The following SEMA4D variants were observed in gnomAD, a reference collection of about 807,000 sequenced individuals.
SEMA4D encodes semaphorin-4D.
A neutral mutation model predicts 74.8 loss-of-function variants in SEMA4D; 22 were observed. The observed-to-expected ratio is 0.29, with a 90% CI of 0.21 to 0.42. The LOEUF (loss-of-function observed/expected upper bound fraction) is 0.42. Among genes scored for constraint, SEMA4D ranks in the 10% least tolerant of loss-of-function variants. SEMA4D has a pLI of 1.00. For missense variants in SEMA4D, 937 were observed against 1,118.4 expected, an observed-to-expected ratio of 0.84 and a Z score of 2.31; for synonymous variants, 445 against 463.7, an observed-to-expected ratio of 0.96 and a Z score of 0.52.
At chr9:89,419,762 C>G (rs1846502110) in intron 2 of SEMA4D, among the ~76,000 whole-genome samples, 1 of 150,806 alleles carries the variant, frequency 6.6e-6, no homozygotes. Context: ...AAAAAAAATA[C>G]AAAAATTAGC....
chr9:89,462,657 T>A (rs947916621), intron 1 of SEMA4D, among the ~76,000 whole-genome samples: 52 of 151,992 alleles, frequency 3.4e-4, no homozygotes, highest in African/African-American at 1.2e-3. Flanking sequence ...TATTTAAAGC[T>A]GTCCCAGCCA....
chr9:89,433,888 G>A (rs1181926508), intron 2 of SEMA4D, among the ~76,000 whole-genome samples: 1 of 152,194 alleles, frequency 6.6e-6, no homozygotes, highest in Non-Finnish European at 1.5e-5. Context: ...GTCACACTGG[G>A]CAGCTCCAGC....
chr9:89,371,423 CTG>C (rs1201258493), intron 16 of SEMA4D, among the ~76,000 whole-genome samples: 9 of 27,882 alleles, frequency 3.2e-4, no homozygotes, highest in South Asian at 1.5e-3. Flanking sequence ...TGGTGTGTGT[CTG>C]GGGTGTGTGT....
rs1187521252 is a variant in SEMA4D at position 89,492,452 on chromosome 9, C to T, written c.-310+5467G>A. 6.6e-6 allele frequency among the ~76,000 whole-genome samples: 1 copy of T among 152,104 alleles called. No homozygotes were observed. Among genetic ancestry groups the T allele is most frequent in the Non-Finnish European group, 1.5e-5 (1 of 68,004 alleles). ...TCATCTCTATAGCTACAATATATTG[C>T]CAAGATTAGGGTCCCAGCTCAGAGC... On this transcript the variant is annotated intron_variant, in intron 1 of 15. Coordinates refer to ENST00000422704, the MANE Select transcript of SEMA4D (RefSeq NM_001371194.2). The surrounding 1 kb of genome is among the most constrained non-coding windows in gnomAD (Gnocchi z 4.3).
intron 6 of SEMA4D, among the ~76,000 whole-genome samples, chr9:89,396,490 C>A (rs1840992911): frequency 1.3e-5 from 2 of 152,248 alleles, no homozygotes; most frequent in African/African-American, 2.4e-5. Context: ...CCTTGAGCTG[C>A]ACCCCAGGCC....
chr9:89,458,596 C>G (rs933818573), intron 1 of SEMA4D, among the ~76,000 whole-genome samples: 1 of 152,066 alleles, frequency 6.6e-6, no homozygotes, highest in Non-Finnish European at 1.5e-5. Context: ...ACGTATACAC[C>G]TATGCACACA....
At chr9:89,416,132 T>G (rs1211212002) in intron 2 of SEMA4D, among the ~76,000 whole-genome samples, 1 of 152,122 alleles carries the variant, frequency 6.6e-6, no homozygotes, top group Non-Finnish European at 1.5e-5. Context: ...AAGCTGAAAT[T>G]TAAAAGTCTG....
intron 2 of SEMA4D, among the ~76,000 whole-genome samples, chr9:89,420,107 C>T (rs189473001): frequency 1.3e-5 from 2 of 152,284 alleles, no homozygotes; most frequent in Admixed American, 1.3e-4. Flanking sequence ...CCAACAACTC[C>T]ACCTGAACAC....
intron 16 of SEMA4D, among the ~76,000 whole-genome samples, chr9:89,366,151 C>G (rs1055492491): frequency 2.6e-5 from 4 of 152,172 alleles, no homozygotes; most frequent in Non-Finnish European, 5.9e-5. Flanking sequence ...TTCAGCAACA[C>G]AGAAAAATAA....
downstream of SEMA4D, among the ~76,000 whole-genome samples, chr9:89,375,291 G>A (rs968129080): frequency 1.1e-4 from 17 of 152,320 alleles, no homozygotes; most frequent in Admixed American, 3.3e-4. Context: ...CTAGCTGGCC[G>A]AGGAGCACCA....
At chr9:89,362,610 G>A (rs1832867340) in intron 18 of SEMA4D, among the ~76,000 whole-genome samples, 1 of 152,220 alleles carries the variant, frequency 6.6e-6, no homozygotes, top group Non-Finnish European at 1.5e-5. Flanking sequence ...ATATGTGACA[G>A]GAAGGCAGAG....
At chr9:89,477,753 T>C (rs1862132392) in intron 1 of SEMA4D, among the ~76,000 whole-genome samples, 1 of 152,226 alleles carries the variant, frequency 6.6e-6, no homozygotes, top group Non-Finnish European at 1.5e-5. Context: ...CGTTCACTCT[T>C]TGCTTTCTGT....
chr9:89,376,961 G>A (rs773945241), downstream of SEMA4D: 3 of 1,550,498 alleles, frequency 1.9e-6, no homozygotes, highest in Admixed American at 2.0e-5. Context: ...TGGCCAGGGG[G>A]TCCAGGGAGA....
At chr9:89,489,885 A>T (rs1412560582) in intron 1 of SEMA4D, among the ~76,000 whole-genome samples, 2 of 152,224 alleles carry the variant, frequency 1.3e-5, no homozygotes, top group Non-Finnish European at 2.9e-5. Context: ...GTGCTAGGTC[A>T]TATGGTAATT....
chr9:89,372,467 CTA>C (rs1835244637), downstream of SEMA4D, among the ~76,000 whole-genome samples: 3 of 151,806 alleles, frequency 2.0e-5, no homozygotes, highest in East Asian at 5.8e-4. Context: ...GGGTGACTGA[CTA>C]TAGTAAATGT....
intron 8 of SEMA4D, 83 bp downstream of exon 8, chr9:89,392,340 C>G: frequency 8.8e-7 from 1 of 1,130,824 alleles, no homozygotes; most frequent in Non-Finnish European, 1.3e-6. Flanking sequence ...CCCCAGGGCT[C>G]AGAGACAGAA....
intron 2 of SEMA4D, among the ~76,000 whole-genome samples, chr9:89,426,113 A>G (rs933354175): frequency 1.3e-5 from 2 of 152,172 alleles, no homozygotes; most frequent in Non-Finnish European, 2.9e-5. Context: ...CAGTTTCTCC[A>G]GGGGACTGGA....
intron 18 of SEMA4D, chr9:89,363,399 C>T (rs1833063600): frequency 6.2e-7 from 1 of 1,607,256 alleles, no homozygotes; most frequent in Non-Finnish European, 8.5e-7. Context: ...GGCTCCAGCC[C>T]TCCTTTCTTT....
chr9:89,428,479 C>G (rs1168047256), intron 2 of SEMA4D, among the ~76,000 whole-genome samples: 2 of 152,218 alleles, frequency 1.3e-5, no homozygotes, highest in African/African-American at 2.4e-5. Context: ...TTGCAGCCAG[C>G]GTGGATCTCA....
Sources: allele counts gnomAD v4.1 joint callset (sites outside exome capture counted in the v4.1 genomes callset), GRCh38; gene constraint gnomAD v4.1.1; non-coding constraint Gnocchi (gnomAD v3.1); transcripts MANE v1.5; gene names NCBI Gene and HGNC (gene_info 2026-07-23, HGNC 2026-07-21).